Variants in CYP27B1 observed in about 807,000 individuals in gnomAD.
CYP27B1 encodes the protein 25-hydroxyvitamin D-1 alpha hydroxylase, mitochondrial.
Under a neutral mutation model 54.8 loss-of-function variants are expected in CYP27B1, and 46 were observed. That is an observed-to-expected ratio of 0.84 (90% CI 0.66 to 1.07). The LOEUF (loss-of-function observed/expected upper bound fraction) is 1.07. Ranked by LOEUF, CYP27B1 falls within the 50% of genes least tolerant of loss-of-function variation. The probability of loss-of-function intolerance (pLI) is 0.00; values close to 1 mark genes in which losing one functional copy is unlikely to be tolerated. For missense variants in CYP27B1, 674 were observed against 692.2 expected (o/e 0.97, Z 0.30); for synonymous variants, 292 against 297.3 (o/e 0.98, Z 0.18).
intron 1 of CYP27B1, 31 bp downstream of exon 1, chr12:57,766,816 A>T: frequency 1.9e-6 from 3 of 1,609,744 alleles, no homozygotes; most frequent in Non-Finnish European, 2.6e-6. Context: ...TTTCCCCAGC[A>T]CTCTGTCTCG....
intron 7 of CYP27B1, 76 bp downstream of exon 7, chr12:57,764,022 G>C: frequency 7.9e-7 from 1 of 1,273,602 alleles, no homozygotes; most frequent in Non-Finnish European, 1.1e-6. Flanking sequence ...GCTTTTAGGA[G>C]AGTGTTTGAG....
intron 5 of CYP27B1, 59 bp downstream of exon 5, chr12:57,764,695 C>T (rs1474475097): frequency 2.5e-6 from 4 of 1,609,794 alleles, no homozygotes; most frequent in African/African-American, 2.7e-5. Context: ...AAAAATGGAG[C>T]CGGAGTCTGC....
chr12:57,764,367 T>A lies in CYP27B1; in HGVS notation c.1136+11A>T, dbSNP rs1447679616. On this transcript the variant is annotated intron_variant, in intron 6 of 8. Transcript: ENST00000228606. ...GCATTTCCTCTTGTTCCTCCTCTCCTTCCCCCTCACCTTAGCACTTCCTTG... is the reference window on the plus strand; with the variant it reads ...GCATTTCCTCTTGTTCCTCCTCTCCATCCCCCTCACCTTAGCACTTCCTTG... 5 of 1,614,106 alleles carry A rather than the reference T, an allele frequency of 3.1e-6. No homozygotes were observed. Among genetic ancestry groups the A allele is most frequent in the Non-Finnish European group, 4.2e-6 (5 of 1,179,952 alleles).
Position 57,765,055 on chromosome 12 carries a change from G to C in CYP27B1, c.746C>G (p.Pro249Arg), listed in dbSNP as rs1397442336. The C allele has an allele frequency of 6.2e-7, 1 of 1,613,786 alleles. No homozygotes were observed. ...CCAGTCTCGGCAGAGGCGGCCCCAG[G>C]GCCCAGGCACAAGGTGGCGCAGCCA... ...PHWLRHLVPG[P>R]WGRLCRDWDQ... is the part of the protein sequence containing the mutation. Residue 249 changes from proline to arginine, a missense_variant, in exon 4 of 9, where the codon CCC becomes CGC. Transcript: ENST00000228606. The surrounding 1 kb of genome is among the most constrained non-coding windows in gnomAD (Gnocchi z 5.8).
chr12:57,764,232 C>CTAGCCTCATCTTG, intron 6 of CYP27B1, 56 bp from the exon 7 acceptor site: 1 of 1,567,958 alleles, frequency 6.4e-7, no homozygotes, highest in Non-Finnish European at 8.8e-7. Context: ...GCTGCAGCCC[C>CTAGCCTCATCTTG]CTTCTCATTG....
chr12:57,766,843 C>A lies in CYP27B1; in HGVS notation c.195+4G>T. The A allele has an allele frequency of 6.2e-7, 1 of 1,614,244 alleles. No homozygotes were observed. Among genetic ancestry groups the A allele is most frequent in the Non-Finnish European group, 8.5e-7 (1 of 1,180,040 alleles). On this transcript the variant is annotated splice_donor_region_variant and intron_variant, in intron 1 of 8. Coordinates refer to ENST00000228606, the MANE Select transcript of CYP27B1 (RefSeq NM_000785.4). Reference sequence around the variant, plus strand: ...TCTGTCTCGGGAAAGGCGTCCCTTCCTACCTGCAGCTCGTGTAGCCTCGAC... The same window carrying A: ...TCTGTCTCGGGAAAGGCGTCCCTTCATACCTGCAGCTCGTGTAGCCTCGAC...
rs1404884130 is a variant in CYP27B1 at position 57,765,105 on chromosome 12, C to A, written c.696G>T (p.Thr232=). The change falls in exon 4 of 9, where the codon ACG becomes ACT. Residue 232 remains threonine (T), a synonymous_variant. Transcript: ENST00000228606. This position sits in a 1 kb window ranked among gnomAD's most constrained non-coding sequence, Gnocchi z 5.8. The part of the protein sequence containing the change: ...IRAVGSVFVS[T]LLTMAMPHWL... ...AGTGGGGCATCGCCATGGTCAACAG[C>A]GTGGACACAAACACCGAGCCCACAG... The A allele has an allele frequency of 6.2e-7, 1 of 1,613,994 alleles. No homozygotes were observed. Among genetic ancestry groups the A allele is most frequent in the Non-Finnish European group, 8.5e-7 (1 of 1,180,044 alleles).
In CYP27B1 at chr12:57,762,578, C is replaced by G. The variant is rs1463685128; in HGVS notation, c.*564G>C. The G allele has an allele frequency of 5.7e-6, 1 of 174,204 alleles. No homozygotes were observed. Among genetic ancestry groups the G allele is most frequent in the African/African-American group, 2.4e-5 (1 of 42,114 alleles). The allele number at this position is 174,204 out of a possible 1,614,324, so 10.8% of individuals were successfully genotyped here. A position where few individuals can be genotyped will look rare whatever the true frequency, so the allele number is the denominator to read the frequency against. On this transcript the variant is annotated 3_prime_UTR_variant, in exon 9 of 9. Coordinates refer to ENST00000228606, the MANE Select transcript of CYP27B1 (RefSeq NM_000785.4). ...GAAGGAAGGGGGTAGACAGAGCCTA[C>G]TAAGTAAGCTGCTTATCCCTTCTGC...
chr12:57,765,971 A>G lies in CYP27B1; in HGVS notation c.386+36T>C. On this transcript the variant is annotated intron_variant, in intron 2 of 8. Transcript: ENST00000228606. This position sits in a 1 kb window ranked among gnomAD's most constrained non-coding sequence, Gnocchi z 5.8. ...ACCCGCAGCAGGAGAGGGCCGCTGC[A>G]GGGCGTCTGGGCTTCTGGGGGCAGA... The G allele has an allele frequency of 2.0e-6, 3 of 1,515,988 alleles. No homozygotes were observed. Among genetic ancestry groups the G allele is most frequent in the Non-Finnish European group, 2.6e-6 (3 of 1,133,824 alleles). The allele number at this position is 1,515,988 out of a possible 1,614,324, so 93.9% of individuals were successfully genotyped here. A position where few individuals can be genotyped will look rare whatever the true frequency, so the allele number is the denominator to read the frequency against.
At position 57,765,184 on chromosome 12, in the gene CYP27B1, C is replaced by A; in HGVS notation, c.617G>T (p.Arg206Leu). The stretch of plus-strand genomic sequence containing the variant: ...CACTTGAGCCTCCAGGCAGCCCAAG[C>A]GCGAGCCGAGCAGAACCGCGGCGAT... ...EGIAAVLLGS[R>L]LGCLEAQVPP... The change falls in exon 4 of 9, where the codon CGC (arginine) becomes CTC (leucine). Residue 206 changes from arginine to leucine, a missense_variant. Transcript: ENST00000228606. This position sits in a 1 kb window ranked among gnomAD's most constrained non-coding sequence, Gnocchi z 5.8. 1 of 1,613,258 alleles carries A rather than the reference C, an allele frequency of 6.2e-7. No homozygotes were observed. Among genetic ancestry groups the A allele is most frequent in the Non-Finnish European group, 8.5e-7 (1 of 1,179,796 alleles).
intron 7 of CYP27B1, 107 bp downstream of exon 7, chr12:57,763,991 G>A: frequency 9.0e-7 from 1 of 1,110,200 alleles, no homozygotes; most frequent in Non-Finnish European, 1.4e-6. Context: ...CTAGAGAGGG[G>A]TCAAGGGGAG....
chr12:57,762,977 T>C lies in CYP27B1; in HGVS notation c.*165A>G. The C allele has an allele frequency of 1.5e-6, 1 of 653,436 alleles. No homozygotes were observed. Among genetic ancestry groups the C allele is most frequent in the Non-Finnish European group, 2.8e-6 (1 of 352,714 alleles). 40.5% of individuals were successfully genotyped at this position (653,436 alleles called of 1,614,324 possible). Reference sequence around the variant, plus strand: ...GGCTTCCTGAGTCAGGCCAAGTGCATACTTCACACATTGGTCAGGGCCGCC... The same window carrying C: ...GGCTTCCTGAGTCAGGCCAAGTGCACACTTCACACATTGGTCAGGGCCGCC... On this transcript the variant is annotated 3_prime_UTR_variant, in exon 9 of 9. Coordinates refer to ENST00000228606, the MANE Select transcript of CYP27B1 (RefSeq NM_000785.4).
intron 1 of CYP27B1, 55 bp from the exon 2 acceptor site, chr12:57,766,252 G>C (rs1955360098): frequency 7.4e-6 from 11 of 1,482,124 alleles, no homozygotes; most frequent in Non-Finnish European, 9.9e-6. Context: ...CTTTCAGCTT[G>C]ACCTGTGCCC....
In CYP27B1 at chr12:57,765,244, G is replaced by A. The variant is rs1955349766; in HGVS notation, c.590-33C>T. The A allele has an allele frequency of 6.2e-7, 1 of 1,611,636 alleles. No individual in the cohort carries two copies. Among genetic ancestry groups the A allele is most frequent in the East Asian group, 2.2e-5 (1 of 44,816 alleles). ...GGAGGGGGCGCCGTCAGGGTTCCGG[G>A]AGGCTCTGGTAGGGCGCCCCCGACG... On this transcript the variant is annotated intron_variant, in intron 3 of 8. Transcript: ENST00000228606. The surrounding 1 kb of genome is among the most constrained non-coding windows in gnomAD (Gnocchi z 5.8).
At chr12:57,763,917 G>T in intron 7 of CYP27B1, 109 bp from the exon 8 acceptor site, 1 of 1,194,494 alleles carries the variant, frequency 8.4e-7, no homozygotes, top group African/African-American at 1.5e-5. Context: ...TGATGGGGAA[G>T]TTTTCTGGGG....
Position 57,766,905 on chromosome 12 carries a change from G to C in CYP27B1, c.137C>G (p.Pro46Arg). ...GCAGAAAAGTTCGGCCAGAAAGCTG[G>C]GCGTAGAGGGGCCTGGGATGTCTGC... is the stretch of plus-strand genomic sequence containing the variant. The part of the protein sequence containing the change: ...SLADIPGPST[P>R]SFLAELFCKG... Residue 46 changes from proline (P) to arginine (R), a missense_variant, in exon 1 of 9, where the codon CCC (proline) becomes CGC (arginine). Physicochemically the swap from Pro to Arg is moderately radical, Grantham distance 103. Transcript: ENST00000228606. 6.2e-7 allele frequency: 1 copy of C among 1,614,200 alleles called. No individual in the cohort carries two copies. Among genetic ancestry groups the C allele is most frequent in the Non-Finnish European group, 8.5e-7 (1 of 1,180,034 alleles).
intron 5 of CYP27B1, 59 bp from the exon 6 acceptor site, chr12:57,764,609 G>T: frequency 6.2e-7 from 1 of 1,602,206 alleles, no homozygotes; most frequent in Non-Finnish European, 8.5e-7. Context: ...AGAGGGTGCA[G>T]ATTATGGAAG....
In CYP27B1 at chr12:57,765,973, G is replaced by A; in HGVS notation, c.386+34C>T. The A allele has an allele frequency of 6.6e-7, 1 of 1,518,412 alleles. No individual in the cohort carries two copies. The highest frequency in any genetic ancestry group is 8.8e-7 in the Non-Finnish European group (1 of 1,135,158). The allele number at this position is 1,518,412 out of a possible 1,614,324, so 94.1% of individuals were successfully genotyped here. A position where few individuals can be genotyped will look rare whatever the true frequency, so the allele number is the denominator to read the frequency against. On this transcript the variant is annotated intron_variant, in intron 2 of 8. Coordinates refer to ENST00000228606, the MANE Select transcript of CYP27B1 (RefSeq NM_000785.4). This position sits in a 1 kb window ranked among gnomAD's most constrained non-coding sequence, Gnocchi z 5.8. ...CCGCAGCAGGAGAGGGCCGCTGCAG[G>A]GCGTCTGGGCTTCTGGGGGCAGAGA... is the stretch of plus-strand genomic sequence containing the variant.
Position 57,766,045 on chromosome 12 carries a change from G to A in CYP27B1, c.348C>T (p.His116=), listed in dbSNP as rs372771210. 1.4e-4 allele frequency: 224 copies of A among 1,567,096 alleles called. 2 individuals are homozygous for A. In the East Asian group the frequency reaches 3.1e-3, roughly 22 times the overall value. ...ERCSFSPWTE[H]RRCRQRACGL... ...CGCAAGCCCGCTGGCGGCAGCGGCG[G>A]TGCTCCGTCCAGGGCGAGAAGCTGC... Residue 116 remains histidine, a synonymous_variant, in exon 2 of 9, where the codon CAC becomes CAT. Coordinates refer to ENST00000228606, the MANE Select transcript of CYP27B1 (RefSeq NM_000785.4).
Sources: allele counts gnomAD v4.1 joint callset, GRCh38; gene constraint gnomAD v4.1.1; non-coding constraint Gnocchi (gnomAD v3.1); transcripts MANE v1.5; gene names NCBI Gene and HGNC (gene_info 2026-07-23, HGNC 2026-07-21).